ANKFY1: variants seen among roughly 807,000 people sequenced by gnomAD.
ANKFY1 encodes the protein ankyrin repeat and FYVE domain containing 1, also known as ankyrin repeat and FYVE domain-containing protein 1.
Under a neutral mutation model 128.3 loss-of-function variants are expected in ANKFY1, and 47 were observed. The ratio of observed to expected loss-of-function variants is 0.37; its 90% confidence interval spans 0.29 to 0.47. ANKFY1 has a LOEUF of 0.47. Among genes scored for constraint, ANKFY1 ranks in the 20% least tolerant of loss-of-function variants. The pLI is 1.00. For missense variants in ANKFY1, 1,222 were observed against 1,510.6 expected, an observed-to-expected ratio of 0.81 and a Z score of 3.17; for synonymous variants, 553 against 601.6, an observed-to-expected ratio of 0.92 and a Z score of 1.18.
intron 4 of ANKFY1, among the ~76,000 whole-genome samples, 178 bp from the exon 5 acceptor site, chr17:4,210,125 A>G (rs965929235): frequency 6.6e-6 from 1 of 152,200 alleles, no homozygotes; most frequent in Non-Finnish European, 1.5e-5. Context: ...AAAGTACTAG[A>G]ATTTCATTAT....
chr17:4,255,446 C>T (rs937524746), intron 1 of ANKFY1, among the ~76,000 whole-genome samples: 2 of 151,956 alleles, frequency 1.3e-5, no homozygotes, highest in Non-Finnish European at 2.9e-5. Context: ...GACAGGATTT[C>T]GCCATGTTGG....
rs1301622536 is a variant in ANKFY1 at position 4,169,943 on chromosome 17, G to A, written c.3287-655C>T. Among the ~76,000 whole-genome samples the A allele has an allele frequency of 5.9e-5, 9 of 152,200 alleles. No homozygotes were observed. The highest frequency in any genetic ancestry group is 1.2e-4 in the Non-Finnish European group (8 of 68,042). On this transcript the variant is annotated intron_variant, in intron 23 of 24. Transcript: ENST00000341657. This position sits in a 1 kb window ranked among gnomAD's most constrained non-coding sequence, Gnocchi z 5.0. ...ACAGGTCCACTGAGCTCATGGGGAC[G>A]GAGCAGCACGTGAGTCCGTCAGTTC...
Position 4,167,967 on chromosome 17 carries a change from C to A in ANKFY1, c.3378-56G>T. 6.3e-7 allele frequency: 1 copy of A among 1,575,752 alleles called. No homozygotes were observed. The highest frequency in any genetic ancestry group is 8.6e-7 in the Non-Finnish European group (1 of 1,157,266). ...GAGCGCCAACGACAGACTCTGCTTCCTGGCACGTGAGGACAACCGCAGCAG... is the reference window on the plus strand; with the variant it reads ...GAGCGCCAACGACAGACTCTGCTTCATGGCACGTGAGGACAACCGCAGCAG... On this transcript the variant is annotated intron_variant, in intron 24 of 24. Transcript: ENST00000341657. This position sits in a 1 kb window ranked among gnomAD's most constrained non-coding sequence, Gnocchi z 4.1.
At chr17:4,233,358 A>G (rs2060546691) in intron 3 of ANKFY1, among the ~76,000 whole-genome samples, 1 of 151,842 alleles carries the variant, frequency 6.6e-6, no homozygotes, top group Admixed American at 6.6e-5. Context: ...GTTTCAAAAC[A>G]CTATGCTTTA....
At chr17:4,224,286 G>A (rs58695167) in intron 3 of ANKFY1, among the ~76,000 whole-genome samples, 72,727 of 140,878 alleles carry the variant, frequency 0.52, 20,441 homozygotes, top group East Asian at 0.76. Context: ...GCAGTGGCGC[G>A]ATCTCGGCTC....
intron 3 of ANKFY1, among the ~76,000 whole-genome samples, chr17:4,226,930 A>G (rs2060436497): frequency 6.6e-6 from 1 of 152,146 alleles, no homozygotes. Context: ...CAGACATTAA[A>G]AGGAGAAAAC....
Position 4,167,790 on chromosome 17 carries a change from C to T in ANKFY1, c.3499G>A (p.Gly1167Arg), listed in dbSNP as rs774457064. The T allele has an allele frequency of 5.0e-6, 8 of 1,613,398 alleles. No homozygotes were observed. Among genetic ancestry groups the T allele is most frequent in the Non-Finnish European group, 6.8e-6 (8 of 1,179,582 alleles). ...NICFDVLTLG[G>R]VS ...CTCCGGGGGGCTCACTAAGAAACCC[C>T]ACCCAGAGTCAGTACATCAAAACAA... Residue 1167 changes from glycine (G) to arginine (R), a missense_variant, in exon 25 of 25, where the codon GGG becomes AGG. Coordinates refer to ENST00000341657, the MANE Select transcript of ANKFY1 (RefSeq NM_001330063.2). The surrounding 1 kb of genome is among the most constrained non-coding windows in gnomAD (Gnocchi z 4.1).
chr17:4,219,314 T>A (rs1254108250), intron 3 of ANKFY1, among the ~76,000 whole-genome samples: 1 of 152,200 alleles, frequency 6.6e-6, no homozygotes, highest in Non-Finnish European at 1.5e-5. Flanking sequence ...TCAACGCAAG[T>A]AATTCTCACG....
In ANKFY1 at chr17:4,169,757, C is replaced by G. The variant is rs544087204; in HGVS notation, c.3287-469G>C. Among the ~76,000 whole-genome samples the G allele has an allele frequency of 6.6e-6, 1 of 152,262 alleles. No homozygotes were observed. Among genetic ancestry groups the G allele is most frequent in the Admixed American group, 6.5e-5 (1 of 15,304 alleles). On this transcript the variant is annotated intron_variant, in intron 23 of 24. Transcript: ENST00000341657. The surrounding 1 kb of genome is among the most constrained non-coding windows in gnomAD (Gnocchi z 5.0). ...GTGATTTCCAGGCTTCCGGAGAGTG[C>G]CTGGGTCTGCAGTGGGACCATGGGC...
intron 22 of ANKFY1, 143 bp downstream of exon 22, chr17:4,172,413 C>T: frequency 1.8e-6 from 2 of 1,141,354 alleles, no homozygotes; most frequent in Non-Finnish European, 2.4e-6. Context: ...CACAACAGGG[C>T]TCTGTAACTC....
At position 4,235,240 on chromosome 17, in the gene ANKFY1, G is replaced by A. The variant is rs1344684292; in HGVS notation, c.322+532C>T. 3.3e-5 allele frequency among the ~76,000 whole-genome samples: 5 copies of A among 151,642 alleles called. No homozygotes were observed. In the East Asian group the frequency reaches 9.7e-4, roughly 29 times the overall value. ...TGCCTGTAATCCCAGCTACTCGGGA[G>A]GCTGAGGCACGAGAATCACTTGAAC... On this transcript the variant is annotated intron_variant, in intron 3 of 24. Coordinates refer to ENST00000341657, the MANE Select transcript of ANKFY1 (RefSeq NM_001330063.2).
In ANKFY1 at chr17:4,178,760, T is replaced by A. The variant is rs1400282679; in HGVS notation, c.2598+97A>T. The stretch of plus-strand genomic sequence containing the variant: ...AGTACAACTTCAAAACAAAGCTCTT[T>A]CCATGAGGAGACCTGTTTAGTCGGT... On this transcript the variant is annotated intron_variant, in intron 18 of 24. Coordinates refer to ENST00000341657, the MANE Select transcript of ANKFY1 (RefSeq NM_001330063.2). This position sits in a 1 kb window ranked among gnomAD's most constrained non-coding sequence, Gnocchi z 4.1. 1 of 1,219,412 alleles carries A rather than the reference T, an allele frequency of 8.2e-7. No individual in the cohort carries two copies. Among genetic ancestry groups the A allele is most frequent in the Admixed American group, 2.0e-5 (1 of 51,032 alleles). The allele number at this position is 1,219,412 out of a possible 1,614,324, so 75.5% of individuals were successfully genotyped here.
At chr17:4,236,366 A>G (rs1307658109) in intron 2 of ANKFY1, among the ~76,000 whole-genome samples, 4 of 152,194 alleles carry the variant, frequency 2.6e-5, no homozygotes, top group Admixed American at 1.3e-4. Context: ...ACAAACTAAC[A>G]AGCAGTCATG....
chr17:4,198,163 T>A (rs1285007777), intron 7 of ANKFY1, among the ~76,000 whole-genome samples: 2 of 151,730 alleles, frequency 1.3e-5, no homozygotes, highest in African/African-American at 4.8e-5. Context: ...GCTTCTACTC[T>A]TCAAAGGCCT....
At chr17:4,172,005 G>T (rs900088024) in intron 22 of ANKFY1, among the ~76,000 whole-genome samples, 3 of 152,164 alleles carry the variant, frequency 2.0e-5, no homozygotes, top group Non-Finnish European at 4.4e-5. Flanking sequence ...AGGCTGCCGT[G>T]AGTCCTCGGC....
In ANKFY1 at chr17:4,242,254, A is replaced by G. The variant is rs2143385448; in HGVS notation, c.203+2T>C. 1 of 1,560,400 alleles carries G rather than the reference A, an allele frequency of 6.4e-7. No homozygotes were observed. The highest frequency in any genetic ancestry group is 1.4e-5 in the African/African-American group (1 of 71,732). On this transcript the variant is annotated splice_donor_variant, in intron 2 of 24. Coordinates refer to ENST00000341657, the MANE Select transcript of ANKFY1 (RefSeq NM_001330063.2). LOFTEE classifies it high-confidence loss of function. The stretch of plus-strand genomic sequence containing the variant: ...GCCTTCTGTGTCTAGGAGCTCTCCC[A>G]CCTGTACTGCTCCTGCTCGTAGAGG...
At chr17:4,194,376 TG>T (rs1567930415) in intron 10 of ANKFY1, 1 of 138,842 alleles carries the variant, frequency 7.2e-6, no homozygotes, top group Admixed American at 7.3e-5. Flanking sequence ...CCCAAAATGC[TG>T]GGATTACAGG....
At position 4,181,150 on chromosome 17, in the gene ANKFY1, C is replaced by T. The variant is rs1765478018; in HGVS notation, c.2240+104G>A. On this transcript the variant is annotated intron_variant, in intron 16 of 24. Transcript: ENST00000341657. This position sits in a 1 kb window ranked among gnomAD's most constrained non-coding sequence, Gnocchi z 4.9. ...GATAACCTTAACTGTGAAAGTCAAG[C>T]CGGCTACTGGCATGCCAAGACTATA... The T allele has an allele frequency of 3.3e-6, 3 of 919,046 alleles. No individual in the cohort carries two copies. The highest frequency in any genetic ancestry group is 2.1e-5 in the Admixed American group (1 of 48,452). 56.9% of individuals were successfully genotyped at this position (919,046 alleles called of 1,614,324 possible). A position where few individuals can be genotyped will look rare whatever the true frequency, so the allele number is the denominator to read the frequency against.
chr17:4,167,870 T>G lies in ANKFY1; in HGVS notation c.3419A>C (p.Lys1140Thr). The part of the protein sequence containing the change: ...GRLLCHKCST[K>T]EIPIIKFDLN... ...ATCAAACTTTATAATAGGAATCTCC[T>G]TGGTCGAGCATTTATGGCAAAGAAG... The change falls in exon 25 of 25, where the codon AAG becomes ACG. Residue 1140 changes from lysine (K) to threonine (T), a missense_variant. Transcript: ENST00000341657. The surrounding 1 kb of genome is among the most constrained non-coding windows in gnomAD (Gnocchi z 4.1). 1 of 1,614,036 alleles carries G rather than the reference T, an allele frequency of 6.2e-7. No homozygotes were observed. The highest frequency in any genetic ancestry group is 8.5e-7 in the Non-Finnish European group (1 of 1,179,938).
Sources: gnomAD v4.1 joint callset for allele counts (sites outside exome capture counted in the v4.1 genomes callset) on GRCh38, gnomAD v4.1.1 for gene constraint, Gnocchi (gnomAD v3.1) non-coding constraint, MANE v1.5 for transcripts, NCBI Gene and HGNC (gene_info 2026-07-23, HGNC 2026-07-21) for gene names.